ZNF462: variants seen among roughly 807,000 people sequenced by gnomAD.
The protein encoded by ZNF462 is zinc finger protein 462.
Under a neutral mutation model 201.9 loss-of-function variants are expected in ZNF462, and 10 were observed. That is an observed-to-expected ratio of 0.05 (90% CI 0.03 to 0.08). The LOEUF (loss-of-function observed/expected upper bound fraction) is 0.08. ZNF462 is among the 10% of genes least tolerant of loss of function. The pLI is 1.00. For synonymous variants in ZNF462, 1,227 were observed against 1,193.3 expected (o/e 1.03, Z -0.58); for missense variants, 2,523 against 3,168.3 (o/e 0.80, Z 4.89).
chr9:106,952,150 G>T (rs1454288980), intron 7 of ZNF462, among the ~76,000 whole-genome samples: 1 of 152,138 alleles, frequency 6.6e-6, no homozygotes, highest in African/African-American at 2.4e-5. Context: ...TCACATTGTT[G>T]TTAATGAAAT....
At position 106,865,124 on chromosome 9, in the gene ZNF462, G is replaced by T. The variant is rs545347253; in HGVS notation, c.-31+1769G>T. Among the ~76,000 whole-genome samples, 7 of 152,148 alleles carry T rather than the reference G, an allele frequency of 4.6e-5. No homozygotes were observed. In the South Asian group the frequency reaches 1.2e-3, roughly 27 times the overall value. On this transcript the variant is annotated intron_variant, in intron 1 of 12. Transcript: ENST00000277225. This position sits in a 1 kb window ranked among gnomAD's most constrained non-coding sequence, Gnocchi z 4.1. The stretch of plus-strand genomic sequence containing the variant: ...ATGCAAGGAAATGAGGGCTTTTAAG[G>T]GTTCCTCAGATTTTTCTCCACCAAA...
intron 7 of ZNF462, among the ~76,000 whole-genome samples, chr9:106,958,759 A>G (rs574733933): frequency 6.6e-6 from 1 of 152,224 alleles, no homozygotes; most frequent in Non-Finnish European, 1.5e-5. Context: ...CAGTCAACCA[A>G]TACATCCACT....
chr9:106,926,952 C>A lies in ZNF462; in HGVS notation c.3040C>A (p.Pro1014Thr). Residue 1014 changes from proline (P) to threonine (T), a missense_variant, in exon 3 of 13, where the codon CCT (proline) becomes ACT (threonine). Transcript: ENST00000277225. This position sits in a 1 kb window ranked among gnomAD's most constrained non-coding sequence, Gnocchi z 7.9. ...CAAAAACACTCCTAAGACCTTTACT[C>A]CTGAATGTGAAAATCAGAAGGACCC... ...FNKNTPKTFTPECENQKDPLV... is the reference protein window; with the variant it reads ...FNKNTPKTFTTECENQKDPLV... The A allele has an allele frequency of 1.2e-6, 2 of 1,614,152 alleles. No homozygotes were observed. The highest frequency in any genetic ancestry group is 1.7e-6 in the Non-Finnish European group (2 of 1,180,026).
At chr9:106,995,514 C>T (rs1357751905) in intron 10 of ZNF462, 1 of 152,126 alleles carries the variant, frequency 6.6e-6, no homozygotes, top group East Asian at 1.9e-4. Flanking sequence ...TTTTGCATTT[C>T]TGCAGATGAT....
At chr9:106,936,069 T>C (rs943828602) in intron 6 of ZNF462, among the ~76,000 whole-genome samples, 10 of 152,262 alleles carry the variant, frequency 6.6e-5, no homozygotes, top group Admixed American at 5.9e-4. Flanking sequence ...CCCTTAGATA[T>C]GTTTCCGTAC....
At chr9:106,992,421 C>T (rs915653800) in intron 10 of ZNF462, among the ~76,000 whole-genome samples, 17 of 152,060 alleles carry the variant, frequency 1.1e-4, no homozygotes, top group African/African-American at 3.4e-4. Flanking sequence ...ATAGCCACTT[C>T]GGAGCAGTTT....
rs1828767062 is a variant in ZNF462, at chr9:106,895,407, T to TC, written c.-30-27945dup. Among the ~76,000 whole-genome samples, 1 of 152,184 alleles carries TC rather than the reference T, an allele frequency of 6.6e-6. No individual in the cohort carries two copies. Among genetic ancestry groups the TC allele is most frequent in the Non-Finnish European group, 1.5e-5 (1 of 68,030 alleles). ...CCCAGTGCGTCGTCTGGCCCAGGCT[T>TC]CCTTTATCTCTTCCCTGGACCATCT... On this transcript the variant is annotated intron_variant, in intron 1 of 12. Transcript: ENST00000277225. The surrounding 1 kb of genome is among the most constrained non-coding windows in gnomAD (Gnocchi z 4.4).
Position 106,925,718 on chromosome 9 carries a change from C to T in ZNF462, c.1806C>T (p.Cys602=). ...TQAAPLHPYK[C]TMCNYSTTTL... is the part of the protein sequence containing the mutation. ...CCGCACCTCTGCACCCATACAAATGCACCATGTGTAATTACTCCACCACAA... is the reference window on the plus strand; with the variant it reads ...CCGCACCTCTGCACCCATACAAATGTACCATGTGTAATTACTCCACCACAA... The change falls in exon 3 of 13, where the codon TGC becomes TGT. Residue 602 remains cysteine (C), a synonymous_variant. Transcript: ENST00000277225. This position sits in a 1 kb window ranked among gnomAD's most constrained non-coding sequence, Gnocchi z 7.9. 6.2e-7 allele frequency: 1 copy of T among 1,614,174 alleles called. No individual in the cohort carries two copies. Among genetic ancestry groups the T allele is most frequent in the Non-Finnish European group, 8.5e-7 (1 of 1,180,028 alleles).
chr9:107,002,037 C>A (rs747201883), intron 10 of ZNF462, among the ~76,000 whole-genome samples: 1 of 152,102 alleles, frequency 6.6e-6, no homozygotes, highest in African/African-American at 2.4e-5. Flanking sequence ...TTGTCACAGT[C>A]GATAATGATG....
rs550689196 is a variant in ZNF462 at position 106,970,429 on chromosome 9, T to C, written c.6428-1576T>C. Among the ~76,000 whole-genome samples, 1 of 152,302 alleles carries C rather than the reference T, an allele frequency of 6.6e-6. No homozygotes were observed. The highest frequency in any genetic ancestry group is 2.1e-4 in the South Asian group (1 of 4,826). On this transcript the variant is annotated intron_variant, in intron 7 of 12. Transcript: ENST00000277225. This position sits in a 1 kb window ranked among gnomAD's most constrained non-coding sequence, Gnocchi z 4.2. Reference sequence around the variant, plus strand: ...TCAGGGAGGCTGCTCTGCTTTTGTTTTCCTGTTCGAAGAGGCTGACGGGAT... The same window carrying C: ...TCAGGGAGGCTGCTCTGCTTTTGTTCTCCTGTTCGAAGAGGCTGACGGGAT...
At chr9:106,891,275 T>C (rs1378494242) in intron 1 of ZNF462, among the ~76,000 whole-genome samples, 2 of 152,256 alleles carry the variant, frequency 1.3e-5, no homozygotes, top group Non-Finnish European at 1.5e-5. Flanking sequence ...TCTTAGACTT[T>C]CTTGATTTTT....
chr9:106,861,693 A>G (rs574698850), upstream of ZNF462, among the ~76,000 whole-genome samples: 1 of 151,654 alleles, frequency 6.6e-6, no homozygotes, highest in African/African-American at 2.4e-5. Context: ...CCCATCCCCA[A>G]CCCCCACCGC....
At chr9:106,957,039 C>T (rs1266484687) in intron 7 of ZNF462, among the ~76,000 whole-genome samples, 1 of 152,174 alleles carries the variant, frequency 6.6e-6, no homozygotes, top group East Asian at 1.9e-4. Context: ...AAGAACTTTT[C>T]CTTTGCATTC....
rs1413339154 is a variant in ZNF462, at chr9:106,933,719, A to G, written c.6116+1170A>G. On this transcript the variant is annotated intron_variant, in intron 5 of 12. Coordinates refer to ENST00000277225, the MANE Select transcript of ZNF462 (RefSeq NM_021224.6). The surrounding 1 kb of genome is among the most constrained non-coding windows in gnomAD (Gnocchi z 4.3). The stretch of plus-strand genomic sequence containing the variant: ...TATCAGTAAAATACTATGATGTGTC[A>G]AAGAAGAGAAATGTTACATCAGCTT... Among the ~76,000 whole-genome samples the G allele has an allele frequency of 6.6e-6, 1 of 152,040 alleles. No individual in the cohort carries two copies. The highest frequency in any genetic ancestry group is 1.5e-5 in the Non-Finnish European group (1 of 68,034).
chr9:106,947,044 A>G (rs966837869), intron 7 of ZNF462, among the ~76,000 whole-genome samples: 4 of 152,196 alleles, frequency 2.6e-5, no homozygotes, highest in African/African-American at 9.7e-5. Flanking sequence ...GAAATAGCAA[A>G]TGGCCAAAAG....
chr9:106,998,627 AG>A lies in ZNF462; in HGVS notation c.7057-4666del, dbSNP rs1445649235. ...TTTTTATTTATTTATTTATTTTTTG[AG>A]ATGGAGTCTTGCTCTGTCACCCAGG... On this transcript the variant is annotated intron_variant, in intron 10 of 12. Coordinates refer to ENST00000277225, the MANE Select transcript of ZNF462 (RefSeq NM_021224.6). Among the ~76,000 whole-genome samples, 117 of 152,032 alleles carry A rather than the reference AG, an allele frequency of 7.7e-4. 1 individual carries two copies. The highest frequency in any genetic ancestry group is 2.7e-3 in the African/African-American group (114 of 41,460).
At chr9:106,868,906 T>C (rs568466208) in intron 1 of ZNF462, among the ~76,000 whole-genome samples, 5 of 152,320 alleles carry the variant, frequency 3.3e-5, no homozygotes, top group African/African-American at 7.2e-5. Flanking sequence ...ATTTAACACG[T>C]TGGGGAGCCC....
intron 1 of ZNF462, among the ~76,000 whole-genome samples, chr9:106,907,231 T>A (rs1829309456): frequency 1.3e-5 from 2 of 152,196 alleles, no homozygotes; most frequent in Non-Finnish European, 2.9e-5. Flanking sequence ...GACATTTTTC[T>A]GCTTTTTACT....
intron 1 of ZNF462, among the ~76,000 whole-genome samples, chr9:106,867,272 A>G (rs546907246): frequency 6.6e-6 from 1 of 152,232 alleles, no homozygotes; most frequent in Admixed American, 6.5e-5. Context: ...TGAGAGAAAT[A>G]AAAAGTATTA....
Sources: allele counts gnomAD v4.1 joint callset (sites outside exome capture counted in the v4.1 genomes callset), GRCh38; gene constraint gnomAD v4.1.1; non-coding constraint Gnocchi (gnomAD v3.1); transcripts MANE v1.5; gene names NCBI Gene and HGNC (gene_info 2026-07-23, HGNC 2026-07-21).